Variants in FAM81B observed in about 807,000 individuals in gnomAD.
FAM81B encodes family with sequence similarity 81 member B.
A neutral mutation model predicts 58.7 loss-of-function variants in FAM81B; 60 were observed. The ratio of observed to expected loss-of-function variants is 1.02; its 90% CI spans 0.83 to 1.27. The LOEUF (loss-of-function observed/expected upper bound fraction) is 1.27, where lower values mean the gene tolerates loss of function less well. Among genes scored for constraint, FAM81B ranks in the 50% most tolerant of loss-of-function variants. The probability of loss-of-function intolerance (pLI) is 0.00; values close to 1 mark genes in which losing one functional copy is unlikely to be tolerated. For synonymous variants in FAM81B, 189 were observed against 179.6 expected (o/e 1.05, Z -0.42); for missense variants, 491 against 522.0 (o/e 0.94, Z 0.58).
At chr5:95,418,965 C>T (rs965707017) in intron 4 of FAM81B, among the ~76,000 whole-genome samples, 9 of 152,054 alleles carry the variant, frequency 5.9e-5, no homozygotes, top group Admixed American at 1.3e-4. Flanking sequence ...ATATTCCTTT[C>T]CTACACTTAC....
chr5:95,422,014 G>T (rs1210433860), intron 5 of FAM81B, among the ~76,000 whole-genome samples: 6 of 152,198 alleles, frequency 3.9e-5, no homozygotes, highest in Non-Finnish European at 7.3e-5. Flanking sequence ...ACCATGTTGT[G>T]TATGAGACGC....
chr5:95,440,478 T>C (rs1745290501), intron 7 of FAM81B: 4 of 627,914 alleles, frequency 6.4e-6, no homozygotes, highest in Non-Finnish European at 1.2e-5. Flanking sequence ...CTAAGGCAAA[T>C]CAAACAGAGG....
At chr5:95,412,440 G>A (rs1309996515) in intron 3 of FAM81B, among the ~76,000 whole-genome samples, 1 of 152,076 alleles carries the variant, frequency 6.6e-6, no homozygotes, top group African/African-American at 2.4e-5. Context: ...AACTTTGCTG[G>A]CTTCTTCAGG....
intron 3 of FAM81B, among the ~76,000 whole-genome samples, chr5:95,409,210 G>A (rs1236585887): frequency 6.6e-6 from 1 of 152,102 alleles, no homozygotes. Flanking sequence ...CCAGGCTGGA[G>A]TGTGGTACCT....
chr5:95,425,805 A>G (rs1387024493), intron 5 of FAM81B, among the ~76,000 whole-genome samples: 1 of 151,916 alleles, frequency 6.6e-6, no homozygotes, highest in African/African-American at 2.4e-5. Context: ...AAACTTATTT[A>G]TTTTCTTATT....
At chr5:95,424,250 C>G (rs190027464) in intron 5 of FAM81B, 1 of 1,278,960 alleles carries the variant, frequency 7.8e-7, no homozygotes, top group Admixed American at 2.3e-5. Context: ...GCATATGAAT[C>G]ACTTCCACTA....
chr5:95,418,086 C>T (rs1383438383), intron 4 of FAM81B, among the ~76,000 whole-genome samples: 1 of 152,186 alleles, frequency 6.6e-6, no homozygotes, highest in African/African-American at 2.4e-5. Context: ...AGTGTTCAAT[C>T]GTGTGCTGTT....
chr5:95,436,965 G>A (rs1745129782), intron 7 of FAM81B, 59 bp downstream of exon 7: 1 of 1,312,016 alleles, frequency 7.6e-7, no homozygotes, highest in Non-Finnish European at 1.1e-6. Context: ...TTTGCCTAAT[G>A]AAAGCATTGG....
chr5:95,446,685 A>T lies in FAM81B; in HGVS notation c.1017A>T (p.Leu339=), dbSNP rs1370257184. The T allele has an allele frequency of 2.5e-6, 4 of 1,611,086 alleles. No individual in the cohort carries two copies. In the African/African-American group the frequency reaches 4.0e-5, roughly 16 times the overall value. ...ATATAAATGAATGTCTGAAGGTCCTACAGGAGAAACTGGTGAGGAGTTCTG... is the reference window on the plus strand; with the variant it reads ...ATATAAATGAATGTCTGAAGGTCCTTCAGGAGAAACTGGTGAGGAGTTCTG... ...LGHINECLKV[L]QEKLEKSENK... The change falls in exon 8 of 10, where the codon CTA becomes CTT. Residue 339 remains leucine, a synonymous_variant. Transcript: ENST00000283357.
rs1762729256 is a variant in FAM81B at position 95,423,053 on chromosome 5, C to T, written c.656+2651C>T. Among the ~76,000 whole-genome samples, 3 of 152,270 alleles carry T rather than the reference C, an allele frequency of 2.0e-5. No homozygotes were observed. In the South Asian group the frequency reaches 6.2e-4, roughly 32 times the overall value. On this transcript the variant is annotated intron_variant, in intron 5 of 9. Coordinates refer to ENST00000283357, the MANE Select transcript of FAM81B (RefSeq NM_152548.3). ...TCCTGTTTCTTTTCTGTGCCTTTGCCAGGCAAATGACTAATGTACAAGCTA... is the reference window on the plus strand; with the variant it reads ...TCCTGTTTCTTTTCTGTGCCTTTGCTAGGCAAATGACTAATGTACAAGCTA...
Position 95,450,284 on chromosome 5 carries a change from C to T in FAM81B, c.*2C>T, listed in dbSNP as rs778124684. 1.2e-6 allele frequency: 2 copies of T among 1,610,552 alleles called. No individual in the cohort carries two copies. Among genetic ancestry groups the T allele is most frequent in the South Asian group, 1.1e-5 (1 of 90,060 alleles). Reference sequence around the variant, plus strand: ...ATAGTGGAACTCCAGGAAGTATAAACCTTTTCAGTCATCTTCTTTTTCATC... The same window carrying T: ...ATAGTGGAACTCCAGGAAGTATAAATCTTTTCAGTCATCTTCTTTTTCATC... On this transcript the variant is annotated 3_prime_UTR_variant, in exon 10 of 10. Transcript: ENST00000283357.
chr5:95,446,767 G>A (rs1745583665), intron 8 of FAM81B, 70 bp downstream of exon 8: 1 of 1,554,072 alleles, frequency 6.4e-7, no homozygotes, highest in African/African-American at 1.4e-5. Flanking sequence ...AAAGGTCTGG[G>A]AATTTGTACT....
At chr5:95,424,142 A>G (rs1156863436) in intron 5 of FAM81B, 1 of 1,289,842 alleles carries the variant, frequency 7.8e-7, no homozygotes, top group Non-Finnish European at 1.0e-6. Context: ...AAGCCTGAAT[A>G]GAGGATGCTA....
At chr5:95,418,996 A>T (rs921291747) in intron 4 of FAM81B, among the ~76,000 whole-genome samples, 2 of 152,168 alleles carry the variant, frequency 1.3e-5, no homozygotes, top group Admixed American at 1.3e-4. Context: ...ATGACATTAC[A>T]GGTAGCTATA....
At chr5:95,405,238 G>T (rs1057127899) in intron 3 of FAM81B, among the ~76,000 whole-genome samples, 9 of 152,170 alleles carry the variant, frequency 5.9e-5, no homozygotes, top group Non-Finnish European at 1.3e-4. Flanking sequence ...TTGTTGGAAT[G>T]ATGAGAAAAT....
intron 6 of FAM81B, 53 bp downstream of exon 6, chr5:95,428,785 C>A: frequency 6.2e-7 from 1 of 1,603,732 alleles, no homozygotes; most frequent in South Asian, 1.1e-5. Context: ...GAAGTAAGAT[C>A]ATTATAGCTT....
chr5:95,423,148 A>ATTAAG (rs10657799), intron 5 of FAM81B, among the ~76,000 whole-genome samples: 31,932 of 151,994 alleles, frequency 0.21, 3,465 homozygotes, highest in African/African-American at 0.26. Flanking sequence ...CATAAGTAAA[A>ATTAAG]TTGATTGTTT....
At chr5:95,407,412 A>ACACG (rs1554043356) in intron 3 of FAM81B, among the ~76,000 whole-genome samples, 11 of 145,242 alleles carry the variant, frequency 7.6e-5, no homozygotes, top group African/African-American at 1.1e-4. Flanking sequence ...ACACACACGC[A>ACACG]CACACACACG....
At chr5:95,393,375 A>C (rs1169023419) in intron 2 of FAM81B, among the ~76,000 whole-genome samples, 10 of 152,242 alleles carry the variant, frequency 6.6e-5, no homozygotes, top group Admixed American at 6.5e-4. Context: ...CACTTGTTAC[A>C]TAAAGCACTA....
Sources: allele counts gnomAD v4.1 joint callset (sites outside exome capture counted in the v4.1 genomes callset), GRCh38; gene constraint gnomAD v4.1.1; transcripts MANE v1.5; gene names NCBI Gene and HGNC (gene_info 2026-07-23, HGNC 2026-07-21).